Variants in ANK3 observed in about 807,000 individuals in gnomAD.
The protein encoded by ANK3 is ankyrin-3.
Under a neutral mutation model 370.9 loss-of-function variants are expected in ANK3, and 57 were observed. The ratio of observed to expected loss-of-function variants is 0.15; its 90% CI spans 0.12 to 0.19. The LOEUF (loss-of-function observed/expected upper bound fraction) is 0.19. ANK3 is among the 10% of genes least tolerant of loss of function. The pLI, the probability that ANK3 is intolerant of heterozygous loss-of-function variation, is 1.00. For missense variants in ANK3, 4,439 were observed against 5,302.1 expected, an observed-to-expected ratio of 0.84 and a Z score of 5.06; for synonymous variants, 1,929 against 1,946.3, an observed-to-expected ratio of 0.99 and a Z score of 0.23.
intron 1 of ANK3, among the ~76,000 whole-genome samples, chr10:60,632,018 A>G (rs2078490654): frequency 6.6e-6 from 1 of 152,212 alleles, no homozygotes; most frequent in Non-Finnish European, 1.5e-5. Flanking sequence ...GAATGCAATT[A>G]AAGACACAGG....
At chr10:60,303,183 G>C (rs1238195541) in intron 1 of ANK3, among the ~76,000 whole-genome samples, 1 of 152,052 alleles carries the variant, frequency 6.6e-6, no homozygotes, top group African/African-American at 2.4e-5. Flanking sequence ...AAAAGCTCAG[G>C]CCACAAAAGC....
chr10:60,392,870 A>G (rs2063141848), upstream of ANK3, among the ~76,000 whole-genome samples: 1 of 151,998 alleles, frequency 6.6e-6, no homozygotes, highest in Non-Finnish European at 1.5e-5. Flanking sequence ...CGGTGGTTGC[A>G]GTGAGCTGAG....
Position 60,071,603 on chromosome 10 carries a change from G to A in ANK3, c.9278C>T (p.Pro3093Leu). Residue 3093 changes from proline to leucine, a missense_variant, in exon 37 of 44, where the codon CCC becomes CTC. Coordinates refer to ENST00000280772, the MANE Select transcript of ANK3 (RefSeq NM_020987.5). Reference sequence around the variant, plus strand: ...CACTTGTACAAAACTGACATAAACGGGTAAAGTTTTTATCTCTTTCCCTCC... The same window carrying A: ...CACTTGTACAAAACTGACATAAACGAGTAAAGTTTTTATCTCTTTCCCTCC... ...TEGGKEIKTL[P>L]VYVSFVQVGK... 1.2e-6 allele frequency: 2 copies of A among 1,613,736 alleles called. No homozygotes were observed. Among genetic ancestry groups the A allele is most frequent in the Non-Finnish European group, 1.7e-6 (2 of 1,179,942 alleles).
intron 2 of ANK3, among the ~76,000 whole-genome samples, chr10:60,563,372 C>T (rs984374610): frequency 1.3e-5 from 2 of 152,166 alleles, no homozygotes; most frequent in African/African-American, 4.8e-5. Flanking sequence ...TACTGGCTCC[C>T]AGTCCCAGCT....
chr10:60,698,147 A>G (rs2079489834), intron 1 of ANK3, among the ~76,000 whole-genome samples: 1 of 151,896 alleles, frequency 6.6e-6, no homozygotes, highest in Admixed American at 6.6e-5. Flanking sequence ...AAAAACATGA[A>G]AAAATGCTCA....
At chr10:60,606,846 G>A (rs762326901) in intron 2 of ANK3, among the ~76,000 whole-genome samples, 3 of 152,136 alleles carry the variant, frequency 2.0e-5, no homozygotes, top group Admixed American at 6.6e-5. Context: ...CATGATAAAT[G>A]TTGTGTTGAA....
chr10:60,424,955 G>A (rs1326140229), intron 2 of ANK3, among the ~76,000 whole-genome samples: 1 of 151,980 alleles, frequency 6.6e-6, no homozygotes, highest in Non-Finnish European at 1.5e-5. Context: ...GGGGCCTTTA[G>A]GTCAACTAGA....
chr10:60,329,274 G>A (rs1004939586), intron 1 of ANK3, among the ~76,000 whole-genome samples: 6 of 152,062 alleles, frequency 3.9e-5, no homozygotes, highest in Admixed American at 3.3e-4. Context: ...GTATTGGAAG[G>A]TCTGGCCAGG....
In ANK3 at chr10:60,696,288, A is replaced by G. The variant is rs977695653; in HGVS notation, c.57+36975T>C. Among the ~76,000 whole-genome samples, 24 of 149,658 alleles carry G rather than the reference A, an allele frequency of 1.6e-4. 1 individual carries two copies. Among genetic ancestry groups the G allele is most frequent in the Admixed American group, 1.3e-3 (19 of 15,038 alleles). On this transcript the variant is annotated intron_variant, in intron 1 of 43. Transcript: ENST00000373827. ...GCTTACCAACCAAAAAGAGTCCAGG[A>G]CCAGATGGATTCACAGCCGAATTCT... is the stretch of plus-strand genomic sequence containing the variant.
intron 1 of ANK3, among the ~76,000 whole-genome samples, chr10:60,634,236 G>A (rs112295458): frequency 3.9e-5 from 6 of 152,166 alleles, no homozygotes; most frequent in Admixed American, 1.3e-4. Flanking sequence ...GCTTGGTTGG[G>A]TGGAAATCTC....
chr10:60,035,270 A>G (rs1418504559), intron 43 of ANK3, among the ~76,000 whole-genome samples: 14 of 151,956 alleles, frequency 9.2e-5, no homozygotes, highest in Admixed American at 9.2e-4. Flanking sequence ...TTCTTTCCAG[A>G]TGGAGTCTTG....
At chr10:60,525,225 C>T (rs927209231) in intron 2 of ANK3, among the ~76,000 whole-genome samples, 6 of 152,000 alleles carry the variant, frequency 3.9e-5, no homozygotes, top group African/African-American at 1.4e-4. Flanking sequence ...ATATAAACAT[C>T]CATCTTGAAA....
intron 1 of ANK3, among the ~76,000 whole-genome samples, chr10:60,684,322 G>A (rs1453477316): frequency 6.6e-6 from 1 of 152,168 alleles, no homozygotes; most frequent in Non-Finnish European, 1.5e-5. Context: ...CTCCACCACC[G>A]CCCATGCCTC....
chr10:60,146,378 T>G (rs1239237881), intron 23 of ANK3, among the ~76,000 whole-genome samples: 1 of 152,156 alleles, frequency 6.6e-6, no homozygotes, highest in Non-Finnish European at 1.5e-5. Flanking sequence ...AGGGGTTTGG[T>G]GTACAGATTA....
In ANK3 at chr10:60,378,585, C is replaced by T. The variant is rs142111662; in HGVS notation, c.114+10840G>A. Among the ~76,000 whole-genome samples, 711 of 152,148 alleles carry T rather than the reference C, an allele frequency of 4.7e-3. 3 individuals are homozygous for T. The highest frequency in any genetic ancestry group is 0.017 in the African/African-American group (691 of 41,532). ...ATTTTTGACGAAGGTGCAAAGAACGCTCATTGGGGAAAGGAGAATTCCTTC... is the reference window on the plus strand; with the variant it reads ...ATTTTTGACGAAGGTGCAAAGAACGTTCATTGGGGAAAGGAGAATTCCTTC... On this transcript the variant is annotated intron_variant, in intron 1 of 43. Transcript: ENST00000280772.
intron 2 of ANK3, among the ~76,000 whole-genome samples, chr10:60,453,665 T>C (rs182424868): frequency 1.5e-3 from 231 of 152,172 alleles, no homozygotes; most frequent in Middle Eastern, 6.8e-3. Flanking sequence ...TGACTGAAAA[T>C]GGACCTTTTT....
At chr10:60,033,289 C>T (rs1034680756) in intron 43 of ANK3, among the ~76,000 whole-genome samples, 7 of 151,824 alleles carry the variant, frequency 4.6e-5, no homozygotes, top group African/African-American at 7.2e-5. Flanking sequence ...GGGAGGGGGG[C>T]GGATCACCTG....
intron 1 of ANK3, among the ~76,000 whole-genome samples, chr10:60,284,466 C>A (rs2098214667): frequency 6.6e-6 from 1 of 152,112 alleles, no homozygotes; most frequent in Admixed American, 6.6e-5. Flanking sequence ...TTGTGAATGA[C>A]AGGGATGCAA....
chr10:60,294,683 T>A (rs1182139768), intron 1 of ANK3, among the ~76,000 whole-genome samples: 2 of 152,186 alleles, frequency 1.3e-5, no homozygotes, highest in African/African-American at 2.4e-5. Context: ...GTATAAAAAA[T>A]ATTTTTAAAA....
Sources: gnomAD v4.1 joint callset for allele counts (sites outside exome capture counted in the v4.1 genomes callset) on GRCh38, gnomAD v4.1.1 for gene constraint, MANE v1.5 for transcripts, NCBI Gene and HGNC (gene_info 2026-07-23, HGNC 2026-07-21) for gene names.